Variants in AGO1 observed in about 807,000 individuals in gnomAD.
The protein encoded by AGO1 is argonaute RISC component 1.
A neutral mutation model predicts 109.2 loss-of-function variants in AGO1; 11 were observed. That is an observed-to-expected ratio of 0.10 (90% confidence interval 0.06 to 0.17). The LOEUF (loss-of-function observed/expected upper bound fraction) is 0.17, where lower values mean the gene tolerates loss of function less well. AGO1 is among the 10% of genes least tolerant of loss of function. The probability of loss-of-function intolerance (pLI) is 1.00; values close to 1 mark genes in which losing one functional copy is unlikely to be tolerated. For synonymous variants in AGO1, 422 were observed against 418.6 expected, an observed-to-expected ratio of 1.01 and a Z score of -0.10; for missense variants, 574 against 1,140.3, an observed-to-expected ratio of 0.50 and a Z score of 7.15.
rs1645684257 is a variant in AGO1 at position 35,913,751 on chromosome 1, G to T, written c.1583-91G>T. The T allele has an allele frequency of 4.9e-5, 65 of 1,329,602 alleles. 1 individual carries two copies. The South Asian group carries it at 8.6e-4, about 18-fold the overall frequency. The allele number at this position is 1,329,602 out of a possible 1,614,324, so 82.4% of individuals were successfully genotyped here. On this transcript the variant is annotated intron_variant, in intron 12 of 18. Coordinates refer to ENST00000373204, the MANE Select transcript of AGO1 (RefSeq NM_012199.5). ...CTTATGTGTTTCCTGTCATTATTGTGTTCCCTAGCACCTCATACACTGCCT... is the reference window on the plus strand; with the variant it reads ...CTTATGTGTTTCCTGTCATTATTGTTTTCCCTAGCACCTCATACACTGCCT...
chr1:35,882,293 G>T (rs982185302), upstream of AGO1, among the ~76,000 whole-genome samples: 1 of 152,172 alleles, frequency 6.6e-6, no homozygotes, highest in Non-Finnish European at 1.5e-5. The surrounding 1 kb of genome is among the most constrained non-coding windows in gnomAD (Gnocchi z 5.1). Flanking sequence ...GAGTGGATGA[G>T]ACCTTTAAGG....
At chr1:35,902,999 CTTTTTTTTTT>C (rs899277604) in intron 11 of AGO1, among the ~76,000 whole-genome samples, 1 of 108,800 alleles carries the variant, frequency 9.2e-6, no homozygotes, top group Non-Finnish European at 1.9e-5. Flanking sequence ...CACCTGGAGT[CTTTTTTTTTT>C]TTTTTTTTTT....
chr1:35,906,763 G>C (rs1645526797), intron 11 of AGO1, among the ~76,000 whole-genome samples, 172 bp from the exon 12 acceptor site: 1 of 150,150 alleles, frequency 6.7e-6, no homozygotes, highest in South Asian at 2.1e-4. Flanking sequence ...AGCCCAGATT[G>C]TGCCATTGTA....
chr1:35,914,300 A>G, intron 14 of AGO1, 26 bp downstream of exon 14: 2 of 1,591,172 alleles, frequency 1.3e-6, no homozygotes, highest in African/African-American at 1.3e-5. Context: ...TAGCTGCCTC[A>G]TAAGGTTCTC....
intron 8 of AGO1, among the ~76,000 whole-genome samples, chr1:35,897,806 G>C (rs1645345275): frequency 6.6e-6 from 1 of 152,184 alleles, no homozygotes; most frequent in African/African-American, 2.4e-5. Context: ...TGATTAGGTA[G>C]TTTTAGTATA....
chr1:35,884,825 G>A (rs188715978), intron 1 of AGO1, among the ~76,000 whole-genome samples: 2 of 152,294 alleles, frequency 1.3e-5, no homozygotes, highest in Admixed American at 6.5e-5. Context: ...TGTGTCTTAA[G>A]TGTCTTACCC....
At position 35,901,890 on chromosome 1, in the gene AGO1, G is replaced by A. The variant is rs1180596647; in HGVS notation, c.1141-58G>A. On this transcript the variant is annotated intron_variant, in intron 9 of 18. Transcript: ENST00000373204. The surrounding 1 kb of genome is among the most constrained non-coding windows in gnomAD (Gnocchi z 4.8). Reference sequence around the variant, plus strand: ...TAGGGTTCTCTCCTTGATACCCAGAGGGTGAGCAGTATTGCCAAGCTCCTG... The same window carrying A: ...TAGGGTTCTCTCCTTGATACCCAGAAGGTGAGCAGTATTGCCAAGCTCCTG... 1.3e-6 allele frequency: 2 copies of A among 1,534,664 alleles called. No individual in the cohort carries two copies. Among genetic ancestry groups the A allele is most frequent in the Admixed American group, 2.1e-5 (1 of 47,092 alleles).
rs1645916333 is a variant in AGO1 at position 35,925,824 on chromosome 1, A to G, written c.*6217A>G. On this transcript the variant is annotated 3_prime_UTR_variant, in exon 19 of 19. Transcript: ENST00000373204. ...TTCTGGCATTCTTCCTGGTACTGCT[A>G]GAGCATTGTTATTTCTATGCATGGG... 6.6e-6 allele frequency: 1 copy of G among 152,218 alleles called. No individual in the cohort carries two copies. Among genetic ancestry groups the G allele is most frequent in the African/African-American group, 2.4e-5 (1 of 41,452 alleles). 9.4% of individuals were successfully genotyped at this position (152,218 alleles called of 1,614,324 possible).
intron 16 of AGO1, 27 bp downstream of exon 16, chr1:35,917,754 C>A (rs753773709): frequency 6.2e-7 from 1 of 1,605,336 alleles, no homozygotes; most frequent in South Asian, 1.1e-5. Flanking sequence ...GGCCTCCCAT[C>A]CCCTCCTTCT....
Position 35,924,948 on chromosome 1 carries a change from A to AT in AGO1, c.*5341_*5342insT, listed in dbSNP as rs796743131. The AT allele has an allele frequency of 1.1e-4, 16 of 152,322 alleles. No homozygotes were observed. Among genetic ancestry groups the AT allele is most frequent in the African/African-American group, 3.8e-4 (16 of 41,568 alleles). The allele number at this position is 152,322 out of a possible 1,614,324, so 9.4% of individuals were successfully genotyped here. ...TACAGGAGTCTTATAGATGGTAGTTAAAGCCATAGGCATGAATGAGATAGC... is the reference window on the plus strand; with the variant it reads ...TACAGGAGTCTTATAGATGGTAGTTATAAGCCATAGGCATGAATGAGATAGC... On this transcript the variant is annotated 3_prime_UTR_variant, in exon 19 of 19. Coordinates refer to ENST00000373204, the MANE Select transcript of AGO1 (RefSeq NM_012199.5).
chr1:35,893,070 T>G lies in AGO1; in HGVS notation c.331-27T>G. 6.2e-7 allele frequency: 1 copy of G among 1,607,688 alleles called. No homozygotes were observed. The highest frequency in any genetic ancestry group is 8.5e-7 in the Non-Finnish European group (1 of 1,175,770). ...ATTCTCGCAGAGCAATGGCAATCCT[T>G]CATCCCTTTCTTTCACCCTCCTGAA... On this transcript the variant is annotated intron_variant, in intron 3 of 18. Transcript: ENST00000373204. The surrounding 1 kb of genome is among the most constrained non-coding windows in gnomAD (Gnocchi z 5.6).
Position 35,923,725 on chromosome 1 carries a change from C to A in AGO1, c.*4118C>A, listed in dbSNP as rs375483845. ...GAGGCTGGGTTGGTGCTCTCCCTTACTCTACTCATACTGACTTAGAGCCTC... is the reference window on the plus strand; with the variant it reads ...GAGGCTGGGTTGGTGCTCTCCCTTAATCTACTCATACTGACTTAGAGCCTC... On this transcript the variant is annotated 3_prime_UTR_variant, in exon 19 of 19. Transcript: ENST00000373204. 6.5e-6 allele frequency: 1 copy of A among 152,728 alleles called. No individual in the cohort carries two copies. Among genetic ancestry groups the A allele is most frequent in the East Asian group, 1.9e-4 (1 of 5,172 alleles). The allele number at this position is 152,728 out of a possible 1,614,324, so 9.5% of individuals were successfully genotyped here.
At chr1:35,870,620 T>C (rs1644942114) in intron 1 of AGO1, among the ~76,000 whole-genome samples, 1 of 152,318 alleles carries the variant, frequency 6.6e-6, no homozygotes, top group South Asian at 2.1e-4. Flanking sequence ...AACAGACACC[T>C]ATTATCCACC....
At chr1:35,918,633 C>T (rs1340742512) in intron 17 of AGO1, among the ~76,000 whole-genome samples, 2 of 152,318 alleles carry the variant, frequency 1.3e-5, no homozygotes, top group Non-Finnish European at 2.9e-5. Flanking sequence ...CTGCAACCTC[C>T]ACCTTCTGGG....
At chr1:35,917,789 A>C in intron 16 of AGO1, 62 bp downstream of exon 16, 3 of 1,571,080 alleles carry the variant, frequency 1.9e-6, no homozygotes, top group Non-Finnish European at 1.7e-6. Context: ...AATAGAGAAG[A>C]AGCCCTTGAG....
Position 35,872,903 on chromosome 1 carries a change from TTTTGTTTG to T in AGO1, c.-201+3024_-201+3031del, listed in dbSNP as rs147468270. Among the ~76,000 whole-genome samples, 177 of 151,898 alleles carry T rather than the reference TTTTGTTTG, an allele frequency of 1.2e-3. 1 individual carries two copies. The East Asian group carries it at 0.018, about 15-fold the overall frequency. On this transcript the variant is annotated intron_variant, in intron 1 of 18. Transcript: ENST00000373206. ...GGTCTATTTCTGTTCTTTTCAGTTTTTTTGTTTGTTTGTTTGTTTGTTTGTTTGTTTTT... is the reference window on the plus strand; with the variant it reads ...GGTCTATTTCTGTTCTTTTCAGTTTTTTTGTTTGTTTGTTTGTTTGTTTTT...
intron 1 of AGO1, among the ~76,000 whole-genome samples, chr1:35,873,081 A>T: frequency 6.7e-6 from 1 of 149,942 alleles, no homozygotes; most frequent in African/African-American, 2.5e-5. Flanking sequence ...TTGGAGTATT[A>T]CTGTCTATGC....
upstream of AGO1, chr1:35,882,721 A>G: frequency 1.3e-6 from 1 of 748,736 alleles, no homozygotes; most frequent in Non-Finnish European, 1.6e-6. This position sits in a 1 kb window ranked among gnomAD's most constrained non-coding sequence, Gnocchi z 5.1. Context: ...CATGGCGTGG[A>G]AGAGGGGGTG....
intron 2 of AGO1, 69 bp from the exon 3 acceptor site, chr1:35,892,488 T>C: frequency 2.5e-6 from 4 of 1,610,520 alleles, no homozygotes; most frequent in East Asian, 2.2e-5. Context: ...GCCTGGACTT[T>C]GAATTACTTC....
Sources: allele counts gnomAD v4.1 joint callset (sites outside exome capture counted in the v4.1 genomes callset), GRCh38; gene constraint gnomAD v4.1.1; non-coding constraint Gnocchi (gnomAD v3.1); transcripts MANE v1.5; gene names NCBI Gene and HGNC (gene_info 2026-07-23, HGNC 2026-07-21).